VPS13C: variants seen among roughly 807,000 people sequenced by gnomAD.
The protein encoded by VPS13C is intermembrane lipid transfer protein VPS13C.
VPS13C carries 358 observed loss-of-function variants against 456.8 expected under a neutral mutation model. That is an observed-to-expected ratio of 0.78 (90% CI 0.72 to 0.86). VPS13C has a LOEUF of 0.86. Ranked by LOEUF, VPS13C falls within the 40% of genes least tolerant of loss-of-function variation. The pLI is 0.00. For synonymous variants in VPS13C, 1,578 were observed against 1,486.7 expected, an observed-to-expected ratio of 1.06 and a Z score of -1.41; for missense variants, 4,818 against 4,385.4, an observed-to-expected ratio of 1.10 and a Z score of -2.79.
intron 1 of VPS13C, among the ~76,000 whole-genome samples, chr15:62,047,107 T>C (rs568548394): frequency 6.6e-6 from 1 of 151,988 alleles, no homozygotes; most frequent in East Asian, 1.9e-4. Flanking sequence ...TAGTATTACT[T>C]TACCCCCAGA....
rs1482240979 is a variant in VPS13C at position 62,015,711 on chromosome 15, G to C, written c.685-1719C>G. 1.8e-3 allele frequency among the ~76,000 whole-genome samples: 237 copies of C among 130,964 alleles called. 1 individual carries two copies. Among genetic ancestry groups the C allele is most frequent in the African/African-American group, 6.5e-3 (220 of 33,892 alleles). 85.9% of individuals were successfully genotyped at this position (130,964 alleles called of 152,430 possible). A position where few individuals can be genotyped will look rare whatever the true frequency, so the allele number is the denominator to read the frequency against. ...AAACACCGCATATTCTCACTCATAGGTGGGAATTGAACAATGAGATCACAT... is the reference window on the plus strand; with the variant it reads ...AAACACCGCATATTCTCACTCATAGCTGGGAATTGAACAATGAGATCACAT... On this transcript the variant is annotated intron_variant, in intron 9 of 84. Coordinates refer to ENST00000644861, the MANE Select transcript of VPS13C (RefSeq NM_020821.3).
At chr15:61,978,839 A>T in intron 22 of VPS13C, 90 bp from the exon 23 acceptor site, 1 of 1,335,300 alleles carries the variant, frequency 7.5e-7, no homozygotes, top group Non-Finnish European at 1.0e-6. Flanking sequence ...TCTTGCATTT[A>T]GTTAGTTAAA....
chr15:62,013,860 A>G (rs986855371), intron 10 of VPS13C, 73 bp downstream of exon 10: 19 of 1,165,406 alleles, frequency 1.6e-5, no homozygotes, highest in Non-Finnish European at 2.3e-5. Flanking sequence ...ATTCTGCTCC[A>G]TCAATGTTTC....
intron 58 of VPS13C, 147 bp from the exon 59 acceptor site, chr15:61,918,404 G>T: frequency 1.5e-6 from 1 of 648,492 alleles, no homozygotes; most frequent in Non-Finnish European, 2.4e-6. Flanking sequence ...AAATTTTAGG[G>T]TATTTAAGTG....
intron 66 of VPS13C, among the ~76,000 whole-genome samples, chr15:61,899,352 G>C (rs370556759): frequency 6.9e-6 from 1 of 144,654 alleles, no homozygotes. Context: ...TTGATAGACT[G>C]CTAGCAAGAC....
chr15:61,882,611 C>A lies in VPS13C; in HGVS notation c.9609G>T (p.Arg3203Ser). 1.3e-6 allele frequency: 2 copies of A among 1,561,552 alleles called. No individual in the cohort carries two copies. The highest frequency in any genetic ancestry group is 1.3e-5 in the South Asian group (1 of 78,902). The change falls in exon 69 of 85, where the codon AGG becomes AGT. Residue 3203 changes from arginine (R) to serine (S), a missense_variant. Physicochemically the swap from Arg to Ser is moderately radical, Grantham distance 110. This residue lies in a region of VPS13C where 4,552 missense variants were observed against 4,130.6 expected (regional missense o/e 1.10). Transcript: ENST00000644861. The stretch of plus-strand genomic sequence containing the variant: ...ACAATGTTACCTGAAGCCAGTACAA[C>A]CTGGCCCTTAAACTTCTCTGGTGAG... The part of the protein sequence containing the change: ...QSSHQRSLRA[R>S]LYWLQVDNQL...
chr15:61,975,045 T>G (rs1044042279), intron 24 of VPS13C, among the ~76,000 whole-genome samples: 1 of 152,120 alleles, frequency 6.6e-6, no homozygotes, highest in Admixed American at 6.6e-5. Flanking sequence ...TGTTGTTGTT[T>G]ATCTTTGGCT....
intron 58 of VPS13C, 59 bp from the exon 59 acceptor site, chr15:61,918,316 T>C: frequency 7.1e-7 from 1 of 1,403,090 alleles, no homozygotes; most frequent in Non-Finnish European, 9.5e-7. Context: ...AAAGAAAAAA[T>C]GAGAGCCACA....
At chr15:61,920,679 T>C (rs2043625808) in intron 55 of VPS13C, 32 bp from the exon 56 acceptor site, 1 of 1,542,392 alleles carries the variant, frequency 6.5e-7, no homozygotes, top group Non-Finnish European at 8.7e-7. Context: ...CAAATTTAAA[T>C]TATTAGCCAG....
chr15:61,931,950 G>C (rs1490012039), intron 49 of VPS13C, among the ~76,000 whole-genome samples: 3 of 152,138 alleles, frequency 2.0e-5, no homozygotes, highest in East Asian at 1.9e-4. Flanking sequence ...TTACAAGAAA[G>C]AGTAAGGCAT....
intron 6 of VPS13C, among the ~76,000 whole-genome samples, chr15:62,026,526 C>T (rs2047646730): frequency 6.6e-6 from 1 of 152,070 alleles, no homozygotes; most frequent in Admixed American, 6.6e-5. Flanking sequence ...CAAATACTGC[C>T]AGTTCCTTTT....
chr15:61,902,055 T>C (rs1453179479), intron 66 of VPS13C, among the ~76,000 whole-genome samples: 1 of 138,582 alleles, frequency 7.2e-6, no homozygotes. Flanking sequence ...AGGTGGGAAC[T>C]GAACAATGCG....
At chr15:62,013,302 T>C (rs2047112943) in intron 10 of VPS13C, among the ~76,000 whole-genome samples, 183 bp from the exon 11 acceptor site, 1 of 152,028 alleles carries the variant, frequency 6.6e-6, no homozygotes, top group African/African-American at 2.4e-5. Context: ...CTTTATTAAG[T>C]CTAGCATTTG....
In VPS13C at chr15:61,977,203, T is replaced by C. The variant is rs775085437; in HGVS notation, c.2291-4A>G. The C allele has an allele frequency of 6.6e-7, 1 of 1,507,490 alleles. No homozygotes were observed. The highest frequency in any genetic ancestry group is 8.9e-7 in the Non-Finnish European group (1 of 1,122,060). 93.4% of individuals were successfully genotyped at this position (1,507,490 alleles called of 1,614,324 possible). ...CGACACTTTTTCCAGGTTTCCTCTTTAAAAAATAATTTAAGATATTATTTA... is the reference window on the plus strand; with the variant it reads ...CGACACTTTTTCCAGGTTTCCTCTTCAAAAAATAATTTAAGATATTATTTA... On this transcript the variant is annotated splice_polypyrimidine_tract_variant and splice_region_variant and intron_variant, in intron 23 of 84. Coordinates refer to ENST00000644861, the MANE Select transcript of VPS13C (RefSeq NM_020821.3).
At chr15:61,943,314 A>T (rs992068496) in intron 45 of VPS13C, among the ~76,000 whole-genome samples, 5 of 152,164 alleles carry the variant, frequency 3.3e-5, no homozygotes, top group African/African-American at 1.2e-4. Context: ...TAACCAAAGC[A>T]ATCCCAAGCA....
At chr15:61,865,172 A>G (rs989717970) in intron 81 of VPS13C, 11 of 984,970 alleles carry the variant, frequency 1.1e-5, no homozygotes, top group Non-Finnish European at 1.3e-5. Context: ...AACTCGAGGA[A>G]TTTAACAATA....
At chr15:61,861,493 T>C (rs963151788) in intron 82 of VPS13C, among the ~76,000 whole-genome samples, 3 of 152,140 alleles carry the variant, frequency 2.0e-5, no homozygotes, top group African/African-American at 7.2e-5. Context: ...TAAAGAAAGT[T>C]TGTTGACTCC....
intron 81 of VPS13C, among the ~76,000 whole-genome samples, chr15:61,868,215 A>G (rs908161440): frequency 1.3e-5 from 2 of 152,150 alleles, no homozygotes; most frequent in Non-Finnish European, 2.9e-5. Flanking sequence ...AAGGTTTAAC[A>G]AGATCATAAT....
intron 24 of VPS13C, among the ~76,000 whole-genome samples, chr15:61,974,766 TTCTA>T (rs1383100599): frequency 6.6e-6 from 1 of 152,182 alleles, no homozygotes; most frequent in Non-Finnish European, 1.5e-5. Flanking sequence ...CCTCATCACT[TTCTA>T]TCCCATTGCC....
Sources: gnomAD v4.1 joint callset for allele counts (sites outside exome capture counted in the v4.1 genomes callset) on GRCh38, gnomAD v4.1.1 for gene constraint, gnomAD v4.1.1 regional missense constraint, MANE v1.5 for transcripts, NCBI Gene and HGNC (gene_info 2026-07-23, HGNC 2026-07-21) for gene names.